ITGA9: variants seen among roughly 807,000 people sequenced by gnomAD.
ITGA9 encodes integrin alpha-9.
In ITGA9, 56 loss-of-function variants were observed where a neutral mutation model predicts 127.8. The observed-to-expected ratio is 0.44, with a 90% CI of 0.35 to 0.55. The LOEUF (loss-of-function observed/expected upper bound fraction) is 0.55, where lower values mean the gene tolerates loss of function less well. Among genes scored for constraint, ITGA9 ranks in the 20% least tolerant of loss-of-function variants. The pLI is 0.00. For synonymous variants in ITGA9, 508 were observed against 514.5 expected (o/e 0.99, Z 0.17); for missense variants, 1,196 against 1,347.1 (o/e 0.89, Z 1.76).
At chr3:37,492,528 C>T (rs1698684082) in intron 4 of ITGA9, among the ~76,000 whole-genome samples, 1 of 152,198 alleles carries the variant, frequency 6.6e-6, no homozygotes, top group African/African-American at 2.4e-5. Flanking sequence ...CAACATAGAC[C>T]ACACCAAGTA....
At chr3:37,773,590 C>CTT (rs11438112) in intron 23 of ITGA9, among the ~76,000 whole-genome samples, 126 of 148,598 alleles carry the variant, frequency 8.5e-4, no homozygotes, top group Middle Eastern at 3.5e-3. Context: ...ATTTAACTCT[C>CTT]TTTTTTTTTT....
chr3:37,745,042 C>T (rs1696484794), intron 22 of ITGA9, among the ~76,000 whole-genome samples: 1 of 152,228 alleles, frequency 6.6e-6, no homozygotes, highest in African/African-American at 2.4e-5. Flanking sequence ...CCTCTTGCGT[C>T]CTTCCCCATG....
chr3:37,710,983 G>T (rs1165671251), intron 18 of ITGA9, among the ~76,000 whole-genome samples: 2 of 152,220 alleles, frequency 1.3e-5, no homozygotes, highest in African/African-American at 4.8e-5. Flanking sequence ...ACATTGATTA[G>T]CCCTCATAGT....
intron 18 of ITGA9, among the ~76,000 whole-genome samples, chr3:37,694,223 G>C (rs558497624): frequency 6.6e-6 from 1 of 152,286 alleles, no homozygotes; most frequent in Non-Finnish European, 1.5e-5. Context: ...ATGGAAACTC[G>C]GCATTCCTCA....
chr3:37,473,451 C>T lies in ITGA9; in HGVS notation c.411C>T (p.Gly137=), dbSNP rs759948694. 1.2e-6 allele frequency: 2 copies of T among 1,612,904 alleles called. No individual in the cohort carries two copies. The highest frequency in any genetic ancestry group is 1.7e-6 in the Non-Finnish European group (2 of 1,179,084). The change falls in exon 3 of 28, where the codon GGC becomes GGT. Residue 137 remains glycine, a synonymous_variant. Coordinates refer to ENST00000264741, the MANE Select transcript of ITGA9 (RefSeq NM_002207.3). The part of the protein sequence containing the change: ...VSLARQPKAD[G]RVLACAHRWK... Reference sequence around the variant, plus strand: ...TGGCCCGACAGCCCAAGGCTGATGGCCGTGTGTTGGTAAGTCCCTCCTGGG... The same window carrying T: ...TGGCCCGACAGCCCAAGGCTGATGGTCGTGTGTTGGTAAGTCCCTCCTGGG...
intron 18 of ITGA9, among the ~76,000 whole-genome samples, chr3:37,684,842 T>C (rs1162301999): frequency 6.6e-6 from 1 of 152,124 alleles, no homozygotes; most frequent in East Asian, 1.9e-4. Context: ...TAGAGTAAAT[T>C]AATTTGAATG....
intron 1 of ITGA9, among the ~76,000 whole-genome samples, chr3:37,467,573 G>A (rs1300670036): frequency 6.6e-6 from 1 of 152,216 alleles, no homozygotes; most frequent in African/African-American, 2.4e-5. Context: ...CAGTTTGGGA[G>A]ACACAGTGGA....
At chr3:37,718,586 A>T (rs1701158418) in intron 18 of ITGA9, among the ~76,000 whole-genome samples, 1 of 152,180 alleles carries the variant, frequency 6.6e-6, no homozygotes, top group Non-Finnish European at 1.5e-5. Flanking sequence ...CTTGCCTCAG[A>T]TGATTCAAGA....
chr3:37,675,743 CTT>C (rs5848124), intron 17 of ITGA9, among the ~76,000 whole-genome samples: 141 of 124,522 alleles, frequency 1.1e-3, no homozygotes, highest in Middle Eastern at 8.5e-3. Context: ...TTAAAAACTA[CTT>C]TTTTTTTTTT....
rs573624712 is a variant in ITGA9, at chr3:37,799,501, CGG to C, written c.2890-4321_2890-4320del. 8.5e-3 allele frequency among the ~76,000 whole-genome samples: 1,300 copies of C among 152,200 alleles called. 10 individuals carry two copies. Among genetic ancestry groups the C allele is most frequent in the Non-Finnish European group, 0.014 (974 of 67,996 alleles). On this transcript the variant is annotated intron_variant, in intron 26 of 27. Transcript: ENST00000264741. The surrounding 1 kb of genome is among the most constrained non-coding windows in gnomAD (Gnocchi z 4.0). ...AGCCTGCAGAGAGGCTGGGGACCAC[CGG>C]TCTCACAGAGGAGAGGCCTCTAACT...
intron 14 of ITGA9, among the ~76,000 whole-genome samples, chr3:37,534,574 T>TTAATA (rs1221646162): frequency 6.6e-6 from 1 of 152,260 alleles, no homozygotes; most frequent in African/African-American, 2.4e-5. Context: ...TCTACCTTAT[T>TTAATA]TAATATGTTC....
intron 18 of ITGA9, among the ~76,000 whole-genome samples, chr3:37,686,794 G>A (rs949192776): frequency 6.6e-6 from 1 of 152,146 alleles, no homozygotes; most frequent in Non-Finnish European, 1.5e-5. Context: ...CCTCAGGGTG[G>A]CAGGAAAAGG....
intron 15 of ITGA9, among the ~76,000 whole-genome samples, chr3:37,566,060 T>G (rs1699543872): frequency 6.6e-6 from 1 of 152,214 alleles, no homozygotes; most frequent in Non-Finnish European, 1.5e-5. Context: ...TCTCTCTATA[T>G]CTATAACTTT....
chr3:37,773,592 T>C (rs1368855884), intron 23 of ITGA9, among the ~76,000 whole-genome samples: 6 of 150,362 alleles, frequency 4.0e-5, no homozygotes, highest in Non-Finnish European at 5.9e-5. Flanking sequence ...TTAACTCTCT[T>C]TTTTTTTTTG....
At chr3:37,541,679 G>T (rs1453112312) in intron 14 of ITGA9, among the ~76,000 whole-genome samples, 1 of 152,136 alleles carries the variant, frequency 6.6e-6, no homozygotes, top group Non-Finnish European at 1.5e-5. Context: ...CCCTACCGTG[G>T]TCATAGTTTT....
At chr3:37,603,960 T>C (rs1365762738) in intron 15 of ITGA9, among the ~76,000 whole-genome samples, 1 of 152,244 alleles carries the variant, frequency 6.6e-6, no homozygotes, top group Non-Finnish European at 1.5e-5. Flanking sequence ...CAAGGTGTGC[T>C]GAGCCCAGTC....
chr3:37,525,445 A>C (rs978897175), intron 12 of ITGA9, among the ~76,000 whole-genome samples: 3 of 152,190 alleles, frequency 2.0e-5, no homozygotes, highest in African/African-American at 7.2e-5. Context: ...TTTTACAGAC[A>C]GGGATACCAT....
intron 16 of ITGA9, among the ~76,000 whole-genome samples, chr3:37,652,095 G>A (rs1470765419): frequency 1.3e-5 from 2 of 151,640 alleles, no homozygotes; most frequent in African/African-American, 2.4e-5. Flanking sequence ...TGAGACCTGA[G>A]GCTTATATAG....
chr3:37,642,899 G>T (rs1700346210), intron 16 of ITGA9, among the ~76,000 whole-genome samples: 1 of 152,184 alleles, frequency 6.6e-6, no homozygotes, highest in Non-Finnish European at 1.5e-5. Flanking sequence ...TGTTTGCACA[G>T]CCTGGACATT....
Sources: gnomAD v4.1 joint callset for allele counts (sites outside exome capture counted in the v4.1 genomes callset) on GRCh38, gnomAD v4.1.1 for gene constraint, Gnocchi (gnomAD v3.1) non-coding constraint, MANE v1.5 for transcripts, NCBI Gene and HGNC (gene_info 2026-07-23, HGNC 2026-07-21) for gene names.